SCARB1: variants seen among roughly 807,000 people sequenced by gnomAD.
The protein encoded by SCARB1 is scavenger receptor class B member 1, also known as CD36 and LIMPII analogous 1.
In SCARB1, 30 loss-of-function variants were observed where a neutral mutation model predicts 57.2. The ratio of observed to expected loss-of-function variants is 0.52; its 90% CI spans 0.39 to 0.71. The LOEUF is 0.71. Ranked by LOEUF, SCARB1 falls within the 30% of genes least tolerant of loss-of-function variation. The pLI, the probability that SCARB1 is intolerant of heterozygous loss-of-function variation, is 0.00. For missense variants in SCARB1, 543 were observed against 671.2 expected (o/e 0.81, Z 2.11); for synonymous variants, 249 against 268.3 (o/e 0.93, Z 0.70).
rs1212419549 is a variant in SCARB1 at position 124,800,380 on chromosome 12, T to C, written c.1010-138A>G. ...AAGATAACCAGACAGAGAGGATCCC[T>C]TCCTCCATTCTGTAAAAAGCCCCAG... is the stretch of plus-strand genomic sequence containing the variant. On this transcript the variant is annotated intron_variant, in intron 7 of 12. Transcript: ENST00000261693. This position sits in a 1 kb window ranked among gnomAD's most constrained non-coding sequence, Gnocchi z 4.8. 3 of 635,970 alleles carry C rather than the reference T, an allele frequency of 4.7e-6. No individual in the cohort carries two copies. Among genetic ancestry groups the C allele is most frequent in the East Asian group, 2.8e-5 (1 of 36,298 alleles). 39.4% of individuals were successfully genotyped at this position (635,970 alleles called of 1,614,324 possible).
chr12:124,778,646 T>TTG, intron 12 of SCARB1, 60 bp from the exon 13 acceptor site: 1 of 1,337,822 alleles, frequency 7.5e-7, no homozygotes, highest in Non-Finnish European at 9.6e-7. Flanking sequence ...CCCACCCTCA[T>TTG]CCCCGCCCAC....
intron 11 of SCARB1, chr12:124,784,560 A>G: frequency 6.6e-6 from 1 of 152,332 alleles, no homozygotes; most frequent in African/African-American, 2.4e-5. Context: ...GCAAGCATGG[A>G]AGCAGGCAAG....
chr12:124,837,894 C>A (rs1951756441), intron 1 of SCARB1, among the ~76,000 whole-genome samples: 1 of 152,116 alleles, frequency 6.6e-6, no homozygotes, highest in Non-Finnish European at 1.5e-5. Flanking sequence ...ACAGTGAGAC[C>A]CTGTCTCCAA....
Position 124,810,137 on chromosome 12 carries a change from C to A in SCARB1, c.842+37G>T. Reference sequence around the variant, plus strand: ...ACCACAGAATTTGGCCATGAGCTACCCAGGAAACCCAGGAGGCCCCGAGTC... The same window carrying A: ...ACCACAGAATTTGGCCATGAGCTACACAGGAAACCCAGGAGGCCCCGAGTC... On this transcript the variant is annotated intron_variant, in intron 6 of 12. Transcript: ENST00000261693. This position sits in a 1 kb window ranked among gnomAD's most constrained non-coding sequence, Gnocchi z 4.0. 1 of 1,423,848 alleles carries A rather than the reference C, an allele frequency of 7.0e-7. No individual in the cohort carries two copies. Among genetic ancestry groups the A allele is most frequent in the Non-Finnish European group, 9.9e-7 (1 of 1,008,578 alleles). The allele number at this position is 1,423,848 out of a possible 1,614,324, so 88.2% of individuals were successfully genotyped here.
chr12:124,818,844 A>G (rs1346792759), intron 1 of SCARB1, among the ~76,000 whole-genome samples: 1 of 152,108 alleles, frequency 6.6e-6, no homozygotes, highest in Admixed American at 6.6e-5. Context: ...TTGTTTTAGT[A>G]GAAGTGGGGT....
intron 4 of SCARB1, among the ~76,000 whole-genome samples, chr12:124,813,790 C>T (rs765603480): frequency 6.6e-6 from 1 of 152,120 alleles, no homozygotes; most frequent in Non-Finnish European, 1.5e-5. Flanking sequence ...GGTGAGGGAG[C>T]CAAGGTCAGG....
intron 1 of SCARB1, among the ~76,000 whole-genome samples, chr12:124,852,237 G>A (rs763432769): frequency 4.2e-4 from 64 of 152,324 alleles, no homozygotes; most frequent in Non-Finnish European, 5.3e-4. Context: ...CAGGAAAGGG[G>A]TCAATCAAAA....
At chr12:124,860,740 T>G (rs565495480) in intron 1 of SCARB1, among the ~76,000 whole-genome samples, 3 of 152,292 alleles carry the variant, frequency 2.0e-5, no homozygotes, top group Admixed American at 2.0e-4. Flanking sequence ...TCGCTGTCAT[T>G]TGTGACAGAG....
At chr12:124,857,598 C>A (rs1952695902) in intron 1 of SCARB1, among the ~76,000 whole-genome samples, 1 of 152,240 alleles carries the variant, frequency 6.6e-6, no homozygotes, top group African/African-American at 2.4e-5. Flanking sequence ...TCAGGCGCTG[C>A]TATGGCCCTC....
intron 11 of SCARB1, 176 bp downstream of exon 11, chr12:124,786,181 G>A (rs1324800043): frequency 6.3e-6 from 10 of 1,581,744 alleles, no homozygotes; most frequent in Middle Eastern, 1.7e-4. Flanking sequence ...TGCAAAAGAC[G>A]CAAGCGTGCT....
intron 11 of SCARB1, chr12:124,786,119 C>G: frequency 6.5e-7 from 1 of 1,537,374 alleles, no homozygotes; most frequent in Non-Finnish European, 8.7e-7. Flanking sequence ...GTGCCCCCTC[C>G]AAGGGAGGGT....
rs200918605 is a variant in SCARB1 at position 124,817,088 on chromosome 12, ATGTGTG to A, written c.284+456_284+461del. ...TGTGTAGGTACATGTGTGTGTATGT[ATGTGTG>A]TGTGTATGTGTATGTACGTGTGTAT... On this transcript the variant is annotated intron_variant, in intron 2 of 12. Coordinates refer to ENST00000261693, the MANE Select transcript of SCARB1 (RefSeq NM_005505.5). This position sits in a 1 kb window ranked among gnomAD's most constrained non-coding sequence, Gnocchi z 4.8. 6.9e-6 allele frequency among the ~76,000 whole-genome samples: 1 copy of A among 145,394 alleles called. No homozygotes were observed. The highest frequency in any genetic ancestry group is 1.5e-5 in the Non-Finnish European group (1 of 66,954).
rs796255191 is a variant in SCARB1 at position 124,856,744 on chromosome 12, C to A, written c.126+6851G>T. Among the ~76,000 whole-genome samples, 36 of 152,322 alleles carry A rather than the reference C, an allele frequency of 2.4e-4. 3 individuals are homozygous for A. The highest frequency in any genetic ancestry group is 7.9e-4 in the African/African-American group (33 of 41,590). ...GTAGGTGGAGACACTGGGCCTCCCC[C>A]CCAGGTTCCGCAGGGGGGCTGATAA... On this transcript the variant is annotated intron_variant, in intron 1 of 12. Transcript: ENST00000261693.
intron 11 of SCARB1, 75 bp from the exon 12 acceptor site, chr12:124,782,886 GC>G: frequency 6.7e-7 from 1 of 1,487,802 alleles, no homozygotes; most frequent in Non-Finnish European, 9.3e-7. Context: ...TCTTCAATTT[GC>G]AAAAGGCAAA....
At chr12:124,830,669 C>T (rs777994289) in intron 1 of SCARB1, among the ~76,000 whole-genome samples, 7 of 150,804 alleles carry the variant, frequency 4.6e-5, no homozygotes, top group Non-Finnish European at 8.8e-5. Context: ...GGGAGGGGTG[C>T]GGGGGAGGCG....
At position 124,811,930 on chromosome 12, in the gene SCARB1, G is replaced by C; in HGVS notation, c.666C>G (p.Phe222Leu). 6.2e-7 allele frequency: 1 copy of C among 1,613,366 alleles called. No homozygotes were observed. Among genetic ancestry groups the C allele is most frequent in the Non-Finnish European group, 8.5e-7 (1 of 1,179,700 alleles). ...TCCTGCTGATGTTCTGGACCCCCGT[G>C]AACACCGTGAAGAGCCCAGAGTCGG... ...NNSDSGLFTV[F>L]TGVQNISRIH... The change falls in exon 5 of 13, where the codon TTC becomes TTG. Residue 222 changes from phenylalanine (F) to leucine (L), a missense_variant. Physicochemically the swap from Phe to Leu is conservative, Grantham distance 22 (BLOSUM62 0). Coordinates refer to ENST00000261693, the MANE Select transcript of SCARB1 (RefSeq NM_005505.5).
intron 8 of SCARB1, among the ~76,000 whole-genome samples, chr12:124,797,847 C>T (rs1487718538): frequency 6.6e-6 from 1 of 152,208 alleles, no homozygotes; most frequent in Non-Finnish European, 1.5e-5. Flanking sequence ...ACAGCATCCG[C>T]CATGGAGCTT....
intron 1 of SCARB1, among the ~76,000 whole-genome samples, chr12:124,837,532 AAG>A (rs1346704245): frequency 3.4e-5 from 3 of 88,606 alleles, no homozygotes; most frequent in African/African-American, 1.6e-4. Flanking sequence ...AGGAAAGAAA[AAG>A]AAAGAAAAGA....
chr12:124,820,482 T>A (rs563620898), intron 1 of SCARB1, among the ~76,000 whole-genome samples: 1 of 151,392 alleles, frequency 6.6e-6, no homozygotes, highest in African/African-American at 2.4e-5. Flanking sequence ...CACCACCCCA[T>A]GCGACCACAG....
Sources: allele counts gnomAD v4.1 joint callset (sites outside exome capture counted in the v4.1 genomes callset), GRCh38; gene constraint gnomAD v4.1.1; non-coding constraint Gnocchi (gnomAD v3.1); transcripts MANE v1.5; gene names NCBI Gene and HGNC (gene_info 2026-07-23, HGNC 2026-07-21).